Variants in ST6GALNAC3 observed in about 807,000 individuals in gnomAD.
ST6GALNAC3 encodes the protein ST6 N-acetylgalactosaminide alpha-2,6-sialyltransferase 3.
In ST6GALNAC3, 25 loss-of-function variants were observed where a neutral mutation model predicts 32.7. The observed-to-expected ratio is 0.76, with a 90% confidence interval of 0.56 to 1.07. The LOEUF (loss-of-function observed/expected upper bound fraction) is 1.07. Ranked by LOEUF, ST6GALNAC3 falls within the 50% of genes least tolerant of loss-of-function variation. The pLI, the probability that ST6GALNAC3 is intolerant of heterozygous loss-of-function variation, is 0.00. For missense variants in ST6GALNAC3, 355 were observed against 382.4 expected, an observed-to-expected ratio of 0.93 and a Z score of 0.60; for synonymous variants, 129 against 133.1, an observed-to-expected ratio of 0.97 and a Z score of 0.21.
Position 76,629,085 on chromosome 1 carries a change from A to G in ST6GALNAC3, c.*279A>G. 2 of 1,163,228 alleles carry G rather than the reference A, an allele frequency of 1.7e-6. No homozygotes were observed. The highest frequency in any genetic ancestry group is 5.4e-5 in the East Asian group (1 of 18,480). 72.1% of individuals were successfully genotyped at this position (1,163,228 alleles called of 1,614,324 possible). A position where few individuals can be genotyped will look rare whatever the true frequency, so the allele number is the denominator to read the frequency against. ...TGAGATGAAGGCCAGTGACATGACA[A>G]CTGTGACCTAAGAAATGGGAAGATT... On this transcript the variant is annotated 3_prime_UTR_variant, in exon 5 of 5. Coordinates refer to ENST00000328299, the MANE Select transcript of ST6GALNAC3 (RefSeq NM_152996.4).
intron 3 of ST6GALNAC3, among the ~76,000 whole-genome samples, chr1:76,513,214 A>G (rs1661975742): frequency 6.6e-6 from 1 of 152,206 alleles, no homozygotes; most frequent in African/African-American, 2.4e-5. Context: ...GCCATGCCCA[A>G]TGTTGTAAAG....
At chr1:76,544,012 A>G (rs1371292376) in intron 3 of ST6GALNAC3, among the ~76,000 whole-genome samples, 1 of 151,820 alleles carries the variant, frequency 6.6e-6, no homozygotes, top group Admixed American at 6.6e-5. Context: ...TCAAAGCTAG[A>G]TATAGCCCAT....
chr1:76,563,909 G>C (rs1030428319), intron 3 of ST6GALNAC3, among the ~76,000 whole-genome samples: 1 of 152,150 alleles, frequency 6.6e-6, no homozygotes, highest in Non-Finnish European at 1.5e-5. Flanking sequence ...TTCAGCAGTA[G>C]AGATTAGTTA....
chr1:76,293,470 A>G (rs1007724177), intron 1 of ST6GALNAC3, among the ~76,000 whole-genome samples: 7 of 152,172 alleles, frequency 4.6e-5, no homozygotes, highest in East Asian at 1.9e-4. Context: ...TGTCCTCTCT[A>G]TTGATACTAT....
chr1:76,419,209 T>C (rs765440581), intron 3 of ST6GALNAC3, among the ~76,000 whole-genome samples: 1 of 152,074 alleles, frequency 6.6e-6, no homozygotes, highest in Non-Finnish European at 1.5e-5. Flanking sequence ...AAATCAAGAC[T>C]TCCAAGCAGT....
At chr1:76,247,400 CA>C (rs1657330006) in intron 1 of ST6GALNAC3, among the ~76,000 whole-genome samples, 1 of 152,172 alleles carries the variant, frequency 6.6e-6, no homozygotes, top group Admixed American at 6.5e-5. Context: ...AGATTAAGTC[CA>C]CAGAAACTGC....
chr1:76,147,000 CAAATACATCCT>C (rs1316642703), intron 1 of ST6GALNAC3, among the ~76,000 whole-genome samples: 1 of 151,924 alleles, frequency 6.6e-6, no homozygotes, highest in African/African-American at 2.4e-5. Flanking sequence ...GTCACATCCT[CAAATACATCCT>C]AAATTAAACA....
intron 1 of ST6GALNAC3, among the ~76,000 whole-genome samples, chr1:76,077,476 T>A (rs1646832847): frequency 6.6e-6 from 1 of 151,972 alleles, no homozygotes; most frequent in African/African-American, 2.4e-5. Context: ...ATATAAGAAA[T>A]AAAGACCCGA....
intron 1 of ST6GALNAC3, among the ~76,000 whole-genome samples, chr1:76,311,185 G>A (rs2100885313): frequency 6.6e-6 from 1 of 152,154 alleles, no homozygotes; most frequent in East Asian, 1.9e-4. Context: ...CTCCTAACTA[G>A]TCACTGCCTA....
intron 1 of ST6GALNAC3, among the ~76,000 whole-genome samples, chr1:76,176,516 A>G (rs1447953403): frequency 6.6e-6 from 1 of 152,254 alleles, no homozygotes; most frequent in African/African-American, 2.4e-5. Flanking sequence ...CTCAGTAAAG[A>G]AAGACATCTG....
At chr1:76,480,017 T>C (rs1197858695) in intron 3 of ST6GALNAC3, among the ~76,000 whole-genome samples, 2 of 152,170 alleles carry the variant, frequency 1.3e-5, no homozygotes, top group Non-Finnish European at 2.9e-5. Context: ...TACTGGTTGA[T>C]AAAGGCAACA....
At chr1:76,561,802 C>T (rs966800043) in intron 3 of ST6GALNAC3, among the ~76,000 whole-genome samples, 4 of 152,138 alleles carry the variant, frequency 2.6e-5, no homozygotes, top group Admixed American at 2.6e-4. Flanking sequence ...AAAACTTTTA[C>T]ATGCATTTTC....
chr1:76,334,524 A>G (rs2100970893), intron 2 of ST6GALNAC3, among the ~76,000 whole-genome samples: 1 of 152,356 alleles, frequency 6.6e-6, no homozygotes, highest in East Asian at 1.9e-4. Context: ...TAGAAGTACA[A>G]ATAAAGCGAT....
chr1:76,614,748 A>G (rs1377904133), intron 3 of ST6GALNAC3, among the ~76,000 whole-genome samples: 2 of 144,532 alleles, frequency 1.4e-5, no homozygotes, highest in Non-Finnish European at 3.0e-5. Context: ...AAAAAAAAAA[A>G]AAAAAATTAA....
intron 3 of ST6GALNAC3, among the ~76,000 whole-genome samples, chr1:76,481,430 C>A (rs1209864325): frequency 1.3e-5 from 2 of 152,138 alleles, no homozygotes; most frequent in Admixed American, 1.3e-4. Flanking sequence ...CCCTAACAAC[C>A]CACAAGTCTG....
intron 1 of ST6GALNAC3, among the ~76,000 whole-genome samples, chr1:76,195,443 G>A (rs1253901201): frequency 1.3e-5 from 2 of 152,074 alleles, no homozygotes; most frequent in African/African-American, 4.8e-5. Flanking sequence ...GTGTACTCAA[G>A]GTTTAATAAA....
Position 76,238,783 on chromosome 1 carries a change from G to A in ST6GALNAC3, c.19-75022G>A, listed in dbSNP as rs934280495. 3.3e-5 allele frequency among the ~76,000 whole-genome samples: 5 copies of A among 152,084 alleles called. No individual in the cohort carries two copies. The South Asian group carries it at 6.2e-4, about 19-fold the overall frequency. On this transcript the variant is annotated intron_variant, in intron 1 of 4. Coordinates refer to ENST00000328299, the MANE Select transcript of ST6GALNAC3 (RefSeq NM_152996.4). ...AGGTGTGAGATAGATTATTTTCCTC[G>A]GGCAGGAAATATCACATGCAAATAT...
At chr1:76,466,721 C>G (rs1245776845) in intron 3 of ST6GALNAC3, among the ~76,000 whole-genome samples, 1 of 151,920 alleles carries the variant, frequency 6.6e-6, no homozygotes, top group Admixed American at 6.6e-5. Context: ...ACTACGTGCT[C>G]AACAATGGAG....
chr1:76,091,355 C>G (rs1647042972), intron 1 of ST6GALNAC3, among the ~76,000 whole-genome samples: 1 of 152,188 alleles, frequency 6.6e-6, no homozygotes, highest in South Asian at 2.1e-4. Flanking sequence ...AGTTAAGACT[C>G]TTTCTCATGC....
Sources: allele counts gnomAD v4.1 joint callset (sites outside exome capture counted in the v4.1 genomes callset), GRCh38; gene constraint gnomAD v4.1.1; transcripts MANE v1.5; gene names NCBI Gene and HGNC (gene_info 2026-07-23, HGNC 2026-07-21).